The following ULK2 variants were observed in gnomAD, a reference collection of about 807,000 sequenced individuals.
ULK2 encodes the protein unc-51 like autophagy activating kinase 2, also known as serine/threonine-protein kinase ULK2.
Under a neutral mutation model 127.5 loss-of-function variants are expected in ULK2, and 76 were observed. The ratio of observed to expected loss-of-function variants is 0.60; its 90% CI spans 0.50 to 0.72. ULK2 has a LOEUF of 0.72. ULK2 is among the 30% of genes least tolerant of loss of function. ULK2 has a pLI of 0.00. For missense variants in ULK2, 1,144 were observed against 1,295.9 expected (o/e 0.88, Z 1.80); for synonymous variants, 452 against 461.9 (o/e 0.98, Z 0.28).
intron 13 of ULK2, 171 bp downstream of exon 13, chr17:19,816,578 T>C (rs144864599): frequency 3.2e-5 from 17 of 539,074 alleles, no homozygotes; most frequent in African/African-American, 5.9e-5. Context: ...TAGAAGATGA[T>C]TGAGCAAATT....
At chr17:19,782,200 A>C in intron 22 of ULK2, 133 bp from the exon 23 acceptor site, 2 of 1,009,288 alleles carry the variant, frequency 2.0e-6, no homozygotes, top group South Asian at 3.6e-5. Flanking sequence ...GGAGATTGAA[A>C]TTTTTAAATT....
intron 12 of ULK2, among the ~76,000 whole-genome samples, chr17:19,819,942 C>G (rs996642231): frequency 2.0e-5 from 3 of 152,146 alleles, no homozygotes; most frequent in Non-Finnish European, 4.4e-5. Context: ...TATTTCCTCT[C>G]TCACTCCAAC....
intron 13 of ULK2, chr17:19,810,884 T>C (rs1220195164): frequency 6.5e-6 from 1 of 152,820 alleles, no homozygotes; most frequent in Non-Finnish European, 1.5e-5. Context: ...TATAACAAAC[T>C]CTAGTTCCGT....
At chr17:19,799,466 T>C in intron 17 of ULK2, 29 bp downstream of exon 17, 1 of 1,490,436 alleles carries the variant, frequency 6.7e-7, no homozygotes, top group Non-Finnish European at 8.9e-7. Context: ...ACAATTCAAA[T>C]TATTAATAAA....
At chr17:19,840,212 C>T (rs2041708847) in intron 9 of ULK2, 12 of 498,982 alleles carry the variant, frequency 2.4e-5, no homozygotes, top group Middle Eastern at 3.2e-4. Flanking sequence ...CTCCGGACAC[C>T]CGACGGGCGC....
chr17:19,821,233 G>A (rs1264753960), intron 12 of ULK2, among the ~76,000 whole-genome samples: 1 of 152,122 alleles, frequency 6.6e-6, no homozygotes, highest in Non-Finnish European at 1.5e-5. Flanking sequence ...CTTGAACGCG[G>A]GAGGCAGAGG....
At chr17:19,817,234 C>A (rs756629101) in intron 12 of ULK2, among the ~76,000 whole-genome samples, 1 of 152,184 alleles carries the variant, frequency 6.6e-6, no homozygotes, top group Non-Finnish European at 1.5e-5. Flanking sequence ...CAACATCCCC[C>A]GGTTCTAGCT....
At chr17:19,808,958 G>C (rs769348117) in intron 14 of ULK2, among the ~76,000 whole-genome samples, 1 of 152,166 alleles carries the variant, frequency 6.6e-6, no homozygotes, top group South Asian at 2.1e-4. Flanking sequence ...GGATCTTAAG[G>C]AGATATTTAC....
chr17:19,836,221 C>G (rs192858405), intron 10 of ULK2, among the ~76,000 whole-genome samples: 1 of 151,618 alleles, frequency 6.6e-6, no homozygotes, highest in African/African-American at 2.4e-5. Context: ...TCAGCCTGAC[C>G]AACATGGTGA....
At chr17:19,862,765 T>C (rs2152403438) in intron 3 of ULK2, among the ~76,000 whole-genome samples, 1 of 152,154 alleles carries the variant, frequency 6.6e-6, no homozygotes, top group Non-Finnish European at 1.5e-5. Flanking sequence ...CGTGCCCAGC[T>C]GAAAAATGAC....
At chr17:19,851,158 C>T (rs1406955492) in intron 3 of ULK2, among the ~76,000 whole-genome samples, 1 of 136,522 alleles carries the variant, frequency 7.3e-6, no homozygotes, top group African/African-American at 2.8e-5. Flanking sequence ...AATAAAAATA[C>T]CAAAAAAAAA....
At chr17:19,793,594 AG>A (rs1247046258) in intron 20 of ULK2, among the ~76,000 whole-genome samples, 13 of 152,220 alleles carry the variant, frequency 8.5e-5, no homozygotes, top group Non-Finnish European at 1.5e-4. Flanking sequence ...GAGTTAGGCA[AG>A]GTCCAGATGC....
Position 19,810,405 on chromosome 17 carries a change from G to A in ULK2, c.1130C>T (p.Ala377Val). 2 of 1,607,540 alleles carry A rather than the reference G, an allele frequency of 1.2e-6. No individual in the cohort carries two copies. The highest frequency in any genetic ancestry group is 4.5e-5 in the East Asian group (2 of 44,726). ...TCCACACACCAAGAATTCATTTGAA[G>A]CACGTCTGCCAGCAGTCCCCACTGG... ...DMPVGTAGRR[A>V]SNEFLVCGGQ... Residue 377 changes from alanine to valine, a missense_variant, in exon 14 of 27, where the codon GCT becomes GTT. Physicochemically the swap from Ala to Val is moderately conservative, Grantham distance 64 (BLOSUM62 0). This residue lies in a region of ULK2 where 913 missense variants were observed against 970.5 expected (regional missense o/e 0.94). Transcript: ENST00000395544.
chr17:19,791,285 C>G (rs1351094231), intron 20 of ULK2, among the ~76,000 whole-genome samples: 1 of 152,216 alleles, frequency 6.6e-6, no homozygotes, highest in Non-Finnish European at 1.5e-5. Context: ...TGTAGCGGCT[C>G]ACACCTGTAG....
rs758612903 is a variant in ULK2, at chr17:19,785,983, T to C, written c.2205A>G (p.Ala735=). ...FTVGSPPHSA[A]APTCTHMFLR... is the part of the protein sequence containing the mutation. The stretch of plus-strand genomic sequence containing the variant: ...GGAACATGTGGGTACAAGTGGGGGC[T>C]GCCGCACTGTGTGGAGGAGACCCTA... Residue 735 remains alanine (A), a synonymous_variant, in exon 21 of 27, where the codon GCA becomes GCG. Transcript: ENST00000395544. The C allele has an allele frequency of 1.9e-5, 31 of 1,596,162 alleles. No individual in the cohort carries two copies. The highest frequency in any genetic ancestry group is 2.6e-5 in the Non-Finnish European group (31 of 1,173,072).
intron 10 of ULK2, among the ~76,000 whole-genome samples, chr17:19,834,083 C>T (rs1033240075): frequency 2.0e-5 from 3 of 152,082 alleles, no homozygotes; most frequent in Admixed American, 6.6e-5. Flanking sequence ...TGACTCATCA[C>T]CTACTAGGGA....
chr17:19,854,777 A>G (rs1317123158), intron 3 of ULK2, among the ~76,000 whole-genome samples: 1 of 152,130 alleles, frequency 6.6e-6, no homozygotes, highest in Non-Finnish European at 1.5e-5. Flanking sequence ...AACAGGTTGG[A>G]TAAATTCTAC....
intron 3 of ULK2, among the ~76,000 whole-genome samples, chr17:19,864,189 G>A (rs553351963): frequency 2.4e-4 from 36 of 152,186 alleles, no homozygotes; most frequent in Non-Finnish European, 4.1e-4. Context: ...CTATTTAGGC[G>A]GGGCGCAGTG....
chr17:19,846,981 G>T, intron 5 of ULK2, 71 bp from the exon 6 acceptor site: 1 of 1,439,106 alleles, frequency 6.9e-7, no homozygotes, highest in South Asian at 1.5e-5. Flanking sequence ...TCCATCAACA[G>T]GATTGGGTTG....
Sources: allele counts gnomAD v4.1 joint callset (sites outside exome capture counted in the v4.1 genomes callset), GRCh38; gene constraint gnomAD v4.1.1; regional missense constraint gnomAD v4.1.1; transcripts MANE v1.5; gene names NCBI Gene and HGNC (gene_info 2026-07-23, HGNC 2026-07-21).